MGAM2: variants seen among roughly 807,000 people sequenced by gnomAD.
MGAM2 encodes the protein probable maltase-glucoamylase 2.
A neutral mutation model predicts 96.1 loss-of-function variants in MGAM2; 98 were observed. The ratio of observed to expected loss-of-function variants is 1.02; its 90% CI spans 0.87 to 1.21. MGAM2 has a LOEUF of 1.21. MGAM2 is among the 50% of genes most tolerant of loss of function. The pLI, the probability that MGAM2 is intolerant of heterozygous loss-of-function variation, is 0.00. For synonymous variants in MGAM2, 749 were observed against 414.8 expected, an observed-to-expected ratio of 1.81 and a Z score of -9.79; for missense variants, 2,055 against 1,182.4, an observed-to-expected ratio of 1.74 and a Z score of -10.82.
chr7:142,147,719 A>C, intron 15 of MGAM2, 146 bp downstream of exon 15: 1 of 552,344 alleles, frequency 1.8e-6, no homozygotes, highest in South Asian at 2.5e-5. Flanking sequence ...AGAGTATTTA[A>C]GAGTTCCTCT....
chr7:142,172,631 T>C (rs1796231459), intron 29 of MGAM2, 21 bp from the exon 30 acceptor site: 1 of 688,364 alleles, frequency 1.5e-6, no homozygotes, highest in Non-Finnish European at 2.6e-6. Flanking sequence ...ATGTGCCTCA[T>C]GTGTGTTGTT....
At chr7:142,141,416 T>C (rs1363857331) in intron 12 of MGAM2, among the ~76,000 whole-genome samples, 1 of 152,142 alleles carries the variant, frequency 6.6e-6, no homozygotes, top group Non-Finnish European at 1.5e-5. Flanking sequence ...CCCAAGACAA[T>C]AAATTCAACT....
chr7:142,156,765 C>T (rs1351502746), intron 17 of MGAM2, among the ~76,000 whole-genome samples: 1 of 151,280 alleles, frequency 6.6e-6, no homozygotes, highest in Non-Finnish European at 1.5e-5. Context: ...TCTTAGGGAG[C>T]AAAAGAAAAA....
intron 45 of MGAM2, among the ~76,000 whole-genome samples, chr7:142,204,956 G>A (rs1278794131): frequency 2.6e-5 from 4 of 152,078 alleles, no homozygotes; most frequent in South Asian, 4.1e-4. Context: ...TTTAAGAACT[G>A]TATTTATTAA....
At chr7:142,117,043 A>T (rs1284539829) in intron 2 of MGAM2, 64 bp downstream of exon 2, 1 of 700,346 alleles carries the variant, frequency 1.4e-6, no homozygotes, top group East Asian at 2.7e-5. Context: ...CGCCAAAGAG[A>T]TTATTTTATT....
chr7:142,170,089 T>A lies in MGAM2; in HGVS notation c.3042T>A (p.Thr1014=), dbSNP rs1479637664. ...CTTCTTGCCAGATCTATGACCCCAC[T>A]AATAAAAGGTATGAGGTTCCAGTAC... ...TMLQVKIYDP[T]NKRYEVPVPL... The change falls in exon 27 of 48, where the codon ACT becomes ACA. Residue 1014 remains threonine, a synonymous_variant. Transcript: ENST00000477922. The A allele has an allele frequency of 1.4e-6, 1 of 701,710 alleles. No individual in the cohort carries two copies. The highest frequency in any genetic ancestry group is 1.5e-5 in the South Asian group (1 of 67,248). 43.5% of individuals were successfully genotyped at this position (701,710 alleles called of 1,614,324 possible).
chr7:142,195,289 C>T (rs1796997128), intron 37 of MGAM2, among the ~76,000 whole-genome samples: 1 of 151,152 alleles, frequency 6.6e-6, no homozygotes, highest in South Asian at 2.1e-4. Flanking sequence ...CTGCCTTGGC[C>T]TCCCAAGGTG....
intron 30 of MGAM2, among the ~76,000 whole-genome samples, chr7:142,173,002 T>C (rs1375377812): frequency 1.3e-5 from 2 of 152,170 alleles, no homozygotes; most frequent in African/African-American, 4.8e-5. Context: ...ACCGGCAAAT[T>C]CTCAGGTTTC....
At chr7:142,199,125 C>G (rs1797142434) in intron 44 of MGAM2, among the ~76,000 whole-genome samples, 1 of 152,112 alleles carries the variant, frequency 6.6e-6, no homozygotes, top group South Asian at 2.1e-4. Flanking sequence ...AATGTTCATT[C>G]CTAGGTCTGC....
At chr7:142,147,799 T>C (rs944298190) in intron 15 of MGAM2, among the ~76,000 whole-genome samples, 1 of 152,238 alleles carries the variant, frequency 6.6e-6, no homozygotes, top group Admixed American at 6.5e-5. Flanking sequence ...ATTTCAAGGA[T>C]ACTAGCAGGC....
chr7:142,199,151 A>G (rs1382414684), intron 44 of MGAM2, among the ~76,000 whole-genome samples: 1 of 152,196 alleles, frequency 6.6e-6, no homozygotes, highest in African/African-American at 2.4e-5. Flanking sequence ...TCAATCAAGG[A>G]AAGATATGCT....
At chr7:142,208,031 C>G (rs891590180) in intron 45 of MGAM2, among the ~76,000 whole-genome samples, 1 of 152,122 alleles carries the variant, frequency 6.6e-6, no homozygotes, top group African/African-American at 2.4e-5. Flanking sequence ...TTATTGTGCA[C>G]AAGCCGAACA....
At chr7:142,197,884 G>T (rs1464504396) in intron 42 of MGAM2, among the ~76,000 whole-genome samples, 156 bp downstream of exon 42, 1 of 152,090 alleles carries the variant, frequency 6.6e-6, no homozygotes, top group African/African-American at 2.4e-5. Context: ...TTATTTAAAA[G>T]ATCTCTCTGT....
At chr7:142,201,545 G>T (rs557827891) in intron 45 of MGAM2, among the ~76,000 whole-genome samples, 4 of 152,292 alleles carry the variant, frequency 2.6e-5, no homozygotes, top group East Asian at 3.9e-4. Flanking sequence ...GTGTACAGTT[G>T]TATAGCCACT....
In MGAM2 at chr7:142,166,821, G is replaced by A. The variant is rs1276459571; in HGVS notation, c.2809-447G>A. On this transcript the variant is annotated intron_variant, in intron 25 of 47. Coordinates refer to ENST00000477922, the MANE Select transcript of MGAM2 (RefSeq NM_001293626.2). ...CATAACAGAGTACCACAAACTGAGT[G>A]GCATAGAATGACAGGAATTTATTCC... Among the ~76,000 whole-genome samples the A allele has an allele frequency of 2.0e-5, 3 of 152,292 alleles. No homozygotes were observed. In the South Asian group the frequency reaches 6.2e-4, roughly 32 times the overall value.
chr7:142,205,700 G>A (rs1219241040), intron 45 of MGAM2, among the ~76,000 whole-genome samples: 2 of 151,948 alleles, frequency 1.3e-5, no homozygotes, highest in Admixed American at 6.6e-5. Context: ...ATAGAATTTA[G>A]CTAAAAGTCC....
chr7:142,144,667 A>G (rs910708136), intron 13 of MGAM2, among the ~76,000 whole-genome samples, 194 bp from the exon 14 acceptor site: 1 of 152,228 alleles, frequency 6.6e-6, no homozygotes, highest in East Asian at 1.9e-4. Context: ...CCTTAAAAAT[A>G]TATAACCTAA....
intron 35 of MGAM2, 123 bp downstream of exon 35, chr7:142,186,246 C>T (rs1468584541): frequency 8.1e-6 from 5 of 614,908 alleles, no homozygotes; most frequent in Non-Finnish European, 1.4e-5. Context: ...AATCTAGGTG[C>T]TGTTACAGAA....
chr7:142,168,025 A>T (rs1796079115), intron 26 of MGAM2, among the ~76,000 whole-genome samples: 1 of 152,220 alleles, frequency 6.6e-6, no homozygotes, highest in Non-Finnish European at 1.5e-5. Flanking sequence ...TCTAGGTCAT[A>T]AACATCATCA....
Sources: gnomAD v4.1 joint callset for allele counts (sites outside exome capture counted in the v4.1 genomes callset) on GRCh38, gnomAD v4.1.1 for gene constraint, MANE v1.5 for transcripts, NCBI Gene and HGNC (gene_info 2026-07-23, HGNC 2026-07-21) for gene names.